The following BPTF variants were observed in gnomAD, a reference collection of about 807,000 sequenced individuals.
The protein encoded by BPTF is bromodomain PHD finger transcription factor, also known as nucleosome-remodeling factor subunit BPTF.
BPTF carries 18 observed loss-of-function variants against 292.5 expected under a neutral mutation model. The ratio of observed to expected loss-of-function variants is 0.06; its 90% CI spans 0.04 to 0.09. BPTF has a LOEUF of 0.09. BPTF is among the 10% of genes least tolerant of loss of function. The pLI is 1.00. For missense variants in BPTF, 2,726 were observed against 3,498.7 expected (o/e 0.78, Z 5.57); for synonymous variants, 1,225 against 1,251.9 (o/e 0.98, Z 0.45).
In BPTF at chr17:67,982,941, G is replaced by T. The variant is rs1350323655; in HGVS notation, c.*653G>T. 3 of 152,300 alleles carry T rather than the reference G, an allele frequency of 2.0e-5. No homozygotes were observed. The highest frequency in any genetic ancestry group is 4.8e-5 in the African/African-American group (2 of 41,452). 9.4% of individuals were successfully genotyped at this position (152,300 alleles called of 1,614,324 possible). A position where few individuals can be genotyped will look rare whatever the true frequency, so the allele number is the denominator to read the frequency against. On this transcript the variant is annotated 3_prime_UTR_variant, in exon 28 of 28. Transcript: ENST00000306378. ...AGATTAAAATTAAGCTTGCATAAAGGTTGGGCTAAGTGGTCCTGGACTACA... is the reference window on the plus strand; with the variant it reads ...AGATTAAAATTAAGCTTGCATAAAGTTTGGGCTAAGTGGTCCTGGACTACA...
At chr17:67,836,284 C>T (rs560319131) in intron 1 of BPTF, among the ~76,000 whole-genome samples, 5 of 152,224 alleles carry the variant, frequency 3.3e-5, no homozygotes, top group African/African-American at 9.6e-5. Context: ...GCTTGGGAAA[C>T]GGCATGGCCA....
chr17:67,944,547 AC>A (rs1360754549), intron 20 of BPTF, 175 bp downstream of exon 20: 3 of 662,248 alleles, frequency 4.5e-6, no homozygotes, highest in Non-Finnish European at 7.6e-6. Flanking sequence ...CCCTATTCTT[AC>A]AGACTCCCTG....
chr17:67,858,227 A>G (rs1194747918), intron 2 of BPTF, among the ~76,000 whole-genome samples: 2 of 152,254 alleles, frequency 1.3e-5, no homozygotes, highest in African/African-American at 4.8e-5. Flanking sequence ...TGGATCAGAT[A>G]TTTTAAGAAA....
At position 67,980,045 on chromosome 17, in the gene BPTF, C is replaced by CA. The variant is rs200002880; in HGVS notation, c.8727-2198dup. 5.6e-3 allele frequency among the ~76,000 whole-genome samples: 816 copies of CA among 144,942 alleles called. 8 individuals carry two copies. The highest frequency in any genetic ancestry group is 0.02 in the African/African-American group (771 of 39,182). ...GAGACTCCGTCTGAAAACAAACAAA[C>CA]AAAAAAAAACCTACCCAGGCCGGGT... is the stretch of plus-strand genomic sequence containing the variant. On this transcript the variant is annotated intron_variant, in intron 27 of 27. Coordinates refer to ENST00000306378, the MANE Select transcript of BPTF (RefSeq NM_182641.4).
At chr17:67,857,936 C>T (rs1240292106) in intron 2 of BPTF, among the ~76,000 whole-genome samples, 6 of 151,836 alleles carry the variant, frequency 4.0e-5, no homozygotes, top group Non-Finnish European at 5.9e-5. Flanking sequence ...TACAGGCATG[C>T]GCCACCACAC....
At chr17:67,928,857 C>T (rs1251597396) in intron 16 of BPTF, 1 of 986,688 alleles carries the variant, frequency 1.0e-6, no homozygotes, top group Non-Finnish European at 1.3e-6. Context: ...ATTAAAAATA[C>T]AAAATGAGCC....
intron 2 of BPTF, among the ~76,000 whole-genome samples, chr17:67,864,134 A>G (rs1229926910): frequency 6.6e-6 from 1 of 152,128 alleles, no homozygotes; most frequent in African/African-American, 2.4e-5. Flanking sequence ...ATACATACAT[A>G]ATGTATATTT....
intron 17 of BPTF, among the ~76,000 whole-genome samples, chr17:67,929,784 C>T (rs2064205344): frequency 6.6e-6 from 1 of 152,130 alleles, no homozygotes; most frequent in African/African-American, 2.4e-5. Flanking sequence ...CTAGACCACC[C>T]ACGGAAGTGT....
rs759338697 is a variant in BPTF at position 67,918,854 on chromosome 17, G to A, written c.5428+16G>A. 1 of 1,610,354 alleles carries A rather than the reference G, an allele frequency of 6.2e-7. No individual in the cohort carries two copies. The highest frequency in any genetic ancestry group is 8.5e-7 in the Non-Finnish European group (1 of 1,177,616). On this transcript the variant is annotated intron_variant, in intron 12 of 27. Transcript: ENST00000306378. Reference sequence around the variant, plus strand: ...ACACGGACAGGTAAGGGGGAAGGGAGTTATTTTCTAATTTAAGTTTAAAAG... The same window carrying A: ...ACACGGACAGGTAAGGGGGAAGGGAATTATTTTCTAATTTAAGTTTAAAAG...
At chr17:67,907,232 AGTAGTTCTG>A in intron 9 of BPTF, among the ~76,000 whole-genome samples, 1 of 149,320 alleles carries the variant, frequency 6.7e-6, no homozygotes. Context: ...TCATCTAGAC[AGTAGTTCTG>A]TTTTGGGAGG....
At chr17:67,943,336 C>T (rs1452834356) in intron 19 of BPTF, among the ~76,000 whole-genome samples, 2 of 152,112 alleles carry the variant, frequency 1.3e-5, no homozygotes, top group Non-Finnish European at 2.9e-5. Flanking sequence ...GGACTTTGCG[C>T]CATCAGTTTT....
At chr17:67,866,735 C>G in intron 3 of BPTF, 48 bp downstream of exon 3, 1 of 1,493,214 alleles carries the variant, frequency 6.7e-7, no homozygotes, top group Non-Finnish European at 9.3e-7. Flanking sequence ...CTGAGCTAAA[C>G]CGTTGGTATG....
Position 67,979,169 on chromosome 17 carries a change from C to CAAAAAAAAAAAAAAA in BPTF, c.8727-3076_8727-3062dup, listed in dbSNP as rs11376410. ...TGGAAGACACAACAAGACCCTGTCT[C>CAAAAAAAAAAAAAAA]AAAAAAAAAAAAAAAAAAAAAGGCC... On this transcript the variant is annotated intron_variant, in intron 27 of 27. Coordinates refer to ENST00000306378, the MANE Select transcript of BPTF (RefSeq NM_182641.4). Among the ~76,000 whole-genome samples the CAAAAAAAAAAAAAAA allele has an allele frequency of 2.6e-4, 19 of 72,564 alleles. 1 individual carries two copies. The highest frequency in any genetic ancestry group is 1.4e-3 in the African/African-American group (17 of 12,500). The allele number at this position is 72,564 out of a possible 152,430, so 47.6% of individuals were successfully genotyped here.
chr17:67,892,186 G>A (rs1471257535), intron 5 of BPTF, 152 bp downstream of exon 5: 2 of 642,764 alleles, frequency 3.1e-6, no homozygotes, highest in Non-Finnish European at 4.9e-6. Context: ...TAGTTAACAA[G>A]ACTGAAAGTA....
Position 67,982,425 on chromosome 17 carries a change from A to G in BPTF, c.*137A>G. 1 of 682,102 alleles carries G rather than the reference A, an allele frequency of 1.5e-6. No individual in the cohort carries two copies. The highest frequency in any genetic ancestry group is 2.3e-6 in the Non-Finnish European group (1 of 433,796). The allele number at this position is 682,102 out of a possible 1,614,324, so 42.3% of individuals were successfully genotyped here. On this transcript the variant is annotated 3_prime_UTR_variant, in exon 28 of 28. Transcript: ENST00000306378. ...AAACTTCGTTTTTATTGGTCATAAC[A>G]GTCCAATTATATTCTTGGCCAATTT... is the stretch of plus-strand genomic sequence containing the variant.
At chr17:67,884,714 C>G (rs1458282073) in intron 4 of BPTF, among the ~76,000 whole-genome samples, 2 of 152,272 alleles carry the variant, frequency 1.3e-5, no homozygotes, top group East Asian at 1.9e-4. Flanking sequence ...CTGCTCCCAG[C>G]CTTCATAGGC....
chr17:67,896,724 C>G (rs56362274), intron 7 of BPTF, among the ~76,000 whole-genome samples: 10,183 of 152,144 alleles, frequency 0.067, 1,152 homozygotes, highest in African/African-American at 0.23. Flanking sequence ...AACTATAAAT[C>G]ATAAAACTAG....
chr17:67,913,206 A>AT lies in BPTF; in HGVS notation c.5303+22dup, dbSNP rs754270291. 6.5e-7 allele frequency: 1 copy of AT among 1,544,406 alleles called. No individual in the cohort carries two copies. Among genetic ancestry groups the AT allele is most frequent in the South Asian group, 1.2e-5 (1 of 80,016 alleles). On this transcript the variant is annotated intron_variant, in intron 11 of 27. Transcript: ENST00000306378. ...CTTGGAGGTATGTACTTTAAAATGT[A>AT]TTTGGGGGAGGGAGAAAATTTTAAA...
intron 11 of BPTF, 74 bp from the exon 12 acceptor site, chr17:67,918,640 T>C (rs767923628): frequency 1.1e-5 from 15 of 1,390,412 alleles, no homozygotes; most frequent in Non-Finnish European, 1.5e-5. Context: ...TTCAGTTTAG[T>C]AGAGTGAATA....
Sources: allele counts gnomAD v4.1 joint callset (sites outside exome capture counted in the v4.1 genomes callset), GRCh38; gene constraint gnomAD v4.1.1; transcripts MANE v1.5; gene names NCBI Gene and HGNC (gene_info 2026-07-23, HGNC 2026-07-21).